RTKN: variants seen among roughly 807,000 people sequenced by gnomAD.
The protein encoded by RTKN is rhotekin.
A neutral mutation model predicts 63.5 loss-of-function variants in RTKN; 49 were observed. The observed-to-expected ratio is 0.77, with a 90% CI of 0.61 to 0.98. The LOEUF is 0.98. RTKN is among the 50% of genes least tolerant of loss of function. The pLI, the probability that RTKN is intolerant of heterozygous loss-of-function variation, is 0.00. For synonymous variants in RTKN, 295 were observed against 290.4 expected, an observed-to-expected ratio of 1.02 and a Z score of -0.16; for missense variants, 685 against 740.8, an observed-to-expected ratio of 0.92 and a Z score of 0.87.
chr2:74,430,123 G>T, intron 5 of RTKN, 86 bp from the exon 6 acceptor site: 1 of 1,534,442 alleles, frequency 6.5e-7, no homozygotes, highest in Non-Finnish European at 9.0e-7. Flanking sequence ...GTGCAGGACA[G>T]CTCCACAGAG....
chr2:74,432,226 C>G (rs1351277428), intron 2 of RTKN: 2 of 678,858 alleles, frequency 2.9e-6, no homozygotes, highest in African/African-American at 3.5e-5. Flanking sequence ...TGCTACCCTT[C>G]AGATCAGCTA....
In RTKN at chr2:74,426,594, T is replaced by C. The variant is rs1054218463; in HGVS notation, c.1361-20A>G. On this transcript the variant is annotated intron_variant, in intron 11 of 11. Transcript: ENST00000272430. ...CAATAGCTGTGGCACCAGGAAGGGG[T>C]TGGGGGAGGGTTGGGCTAGTCAGAG... The C allele has an allele frequency of 7.2e-6, 11 of 1,520,382 alleles. No homozygotes were observed. In the African/African-American group the frequency reaches 8.3e-5, roughly 12 times the overall value. 94.2% of individuals were successfully genotyped at this position (1,520,382 alleles called of 1,614,324 possible). A position where few individuals can be genotyped will look rare whatever the true frequency, so the allele number is the denominator to read the frequency against.
chr2:74,426,521 C>T lies in RTKN; in HGVS notation c.1414G>A (p.Glu472Lys). The T allele has an allele frequency of 6.4e-7, 1 of 1,557,652 alleles. No individual in the cohort carries two copies. The highest frequency in any genetic ancestry group is 8.7e-7 in the Non-Finnish European group (1 of 1,149,802). ...AAVTDILTQR[E>K]GARLETPPPW... ...GGGGGTGTCTCCAGCCTTGCGCCCT[C>T]CCGCTGGGTCAGGATGTCTGTCACC... Residue 472 changes from glutamate to lysine, a missense_variant, in exon 12 of 12, where the codon GAG becomes AAG. Transcript: ENST00000272430.
chr2:74,428,488 CCTG>C, intron 8 of RTKN, 92 bp from the exon 9 acceptor site: 3 of 1,603,382 alleles, frequency 1.9e-6, no homozygotes, highest in Non-Finnish European at 2.6e-6. Context: ...TTTTGTCCAC[CCTG>C]CTGTCCATTC....
chr2:74,438,881 A>G (rs1391673952), intron 1 of RTKN, among the ~76,000 whole-genome samples: 1 of 152,202 alleles, frequency 6.6e-6, no homozygotes, highest in East Asian at 1.9e-4. Flanking sequence ...ATGTGTTCGT[A>G]TGTATATTTC....
chr2:74,428,821 A>G (rs1670571300), intron 7 of RTKN, 27 bp downstream of exon 7: 2 of 1,602,902 alleles, frequency 1.2e-6, no homozygotes, highest in East Asian at 2.2e-5. Flanking sequence ...TCACATGTGT[A>G]TGTCCCCCAT....
rs1156663491 is a variant in RTKN, at chr2:74,441,782, AC to A, written c.34del (p.Val12TrpfsTer34). 1.9e-6 allele frequency: 3 copies of A among 1,611,820 alleles called. No homozygotes were observed. In the South Asian group the frequency reaches 3.3e-5, roughly 18 times the overall value. ...FSRNHRSRVT[V>X]ARGSALEMEF... ...CATCTCCAGGGCGGAGCCCCTGGCC[AC>A]GGTGACCCGGCTCCGGTGGTTTCGG... On this transcript the variant is annotated frameshift_variant, in exon 1 of 12. Coordinates refer to ENST00000272430, the MANE Select transcript of RTKN (RefSeq NM_001015055.2). LOFTEE classifies it high-confidence loss of function.
At chr2:74,427,662 G>T (rs116143329) in intron 9 of RTKN, 70 bp from the exon 10 acceptor site, 2 of 1,495,826 alleles carry the variant, frequency 1.3e-6, no homozygotes, top group African/African-American at 2.8e-5. Context: ...CCTTGATCAC[G>T]CCTGCCTTAG....
chr2:74,430,328 C>T lies in RTKN; in HGVS notation c.469G>A (p.Glu157Lys). Reference protein sequence around the residue: ...WAVFLLLQLGEHIQDTEMILV... With the variant: ...WAVFLLLQLGKHIQDTEMILV... ...ATCATCTCTGTGTCCTGGATGTGTT[C>T]CCCCAGCTGCAGCAGCAGGAACACA... Residue 157 changes from glutamate (E) to lysine (K), a missense_variant, in exon 5 of 12, where the codon GAA becomes AAA. Transcript: ENST00000272430. 1.2e-6 allele frequency: 2 copies of T among 1,614,086 alleles called. No homozygotes were observed.
chr2:74,432,446 C>A, intron 2 of RTKN, 21 bp downstream of exon 2: 3 of 1,603,318 alleles, frequency 1.9e-6, no homozygotes, highest in Non-Finnish European at 2.5e-6. Context: ...TCCATCGAGG[C>A]CTCGTCTCCC....
At chr2:74,437,959 AG>A (rs1301903437) in intron 1 of RTKN, among the ~76,000 whole-genome samples, 2 of 152,226 alleles carry the variant, frequency 1.3e-5, no homozygotes, top group Non-Finnish European at 2.9e-5. Flanking sequence ...GTTTATGCCA[AG>A]ACGGTCCTGA....
chr2:74,425,837 G>A lies in RTKN; in HGVS notation c.*406C>T, dbSNP rs1363590235. ...CCAGGGATGATGTGAGGCAGGTCTA[G>A]ACCAGGCAGAGAGAGGCACCCTGTC... is the stretch of plus-strand genomic sequence containing the variant. On this transcript the variant is annotated 3_prime_UTR_variant, in exon 12 of 12. Transcript: ENST00000272430. 1.4e-6 allele frequency: 2 copies of A among 1,472,146 alleles called. No individual in the cohort carries two copies. Among genetic ancestry groups the A allele is most frequent in the Non-Finnish European group, 1.8e-6 (2 of 1,090,362 alleles). The allele number at this position is 1,472,146 out of a possible 1,614,324, so 91.2% of individuals were successfully genotyped here. A position where few individuals can be genotyped will look rare whatever the true frequency, so the allele number is the denominator to read the frequency against.
In RTKN at chr2:74,436,901, T is replaced by C. The variant is rs917708513; in HGVS notation, c.112-4235A>G. Among the ~76,000 whole-genome samples the C allele has an allele frequency of 6.6e-6, 1 of 151,784 alleles. No individual in the cohort carries two copies. Among genetic ancestry groups the C allele is most frequent in the African/African-American group, 2.4e-5 (1 of 41,282 alleles). On this transcript the variant is annotated intron_variant, in intron 1 of 11. Transcript: ENST00000272430. This position sits in a 1 kb window ranked among gnomAD's most constrained non-coding sequence, Gnocchi z 4.3. ...CCCCTCCCCACCCAAACACACCCTCTCCCCAAGCGGGCAGCATTTCCCCTG... is the reference window on the plus strand; with the variant it reads ...CCCCTCCCCACCCAAACACACCCTCCCCCCAAGCGGGCAGCATTTCCCCTG...
At chr2:74,433,893 T>C (rs1367499433) in intron 1 of RTKN, among the ~76,000 whole-genome samples, 1 of 151,998 alleles carries the variant, frequency 6.6e-6, no homozygotes, top group Non-Finnish European at 1.5e-5. Context: ...TTGCAGACAT[T>C]AAGGAAAGAG....
chr2:74,427,516 C>G lies in RTKN; in HGVS notation c.1163G>C (p.Gly388Ala), dbSNP rs774333224. Residue 388 changes from glycine (G) to alanine (A), a missense_variant, in exon 10 of 12, where the codon GGG becomes GCG. Gly to Ala is a moderately conservative substitution (Grantham distance 60). Coordinates refer to ENST00000272430, the MANE Select transcript of RTKN (RefSeq NM_001015055.2). ...PFTLSISNQY[G>A]DDEVTHTLQT... ...AAGGGTGTGTGTCACCTCATCATCC[C>G]CATACTGGTTACTGATGCTTAGGGT... 7.2e-5 allele frequency: 117 copies of G among 1,614,048 alleles called. No individual in the cohort carries two copies. The highest frequency in any genetic ancestry group is 9.4e-5 in the Non-Finnish European group (111 of 1,180,044).
chr2:74,430,076 C>A, intron 5 of RTKN, 39 bp from the exon 6 acceptor site: 2 of 1,609,610 alleles, frequency 1.2e-6, no homozygotes, highest in Non-Finnish European at 1.7e-6. Context: ...ACAGGAAAGT[C>A]CAGGGAGGCA....
In RTKN at chr2:74,441,851, C is replaced by A. The variant is rs1363380717; in HGVS notation, c.-35G>T. The A allele has an allele frequency of 1.5e-6, 2 of 1,373,936 alleles. No homozygotes were observed. Among genetic ancestry groups the A allele is most frequent in the South Asian group, 2.4e-5 (2 of 82,382 alleles). The allele number at this position is 1,373,936 out of a possible 1,614,324, so 85.1% of individuals were successfully genotyped here. A position where few individuals can be genotyped will look rare whatever the true frequency, so the allele number is the denominator to read the frequency against. On this transcript the variant is annotated 5_prime_UTR_variant, in exon 1 of 12. Coordinates refer to ENST00000272430, the MANE Select transcript of RTKN (RefSeq NM_001015055.2). The stretch of plus-strand genomic sequence containing the variant: ...CCTGCGACTTTGCCTGCTCAGTGCG[C>A]TCCCCGCGCCGCCCGGCTTAGCCTC...
intron 4 of RTKN, 33 bp downstream of exon 4, chr2:74,430,432 C>T: frequency 6.2e-7 from 1 of 1,613,838 alleles, no homozygotes; most frequent in Non-Finnish European, 8.5e-7. Context: ...AGGGTCATTC[C>T]CCTGAATTTG....
At chr2:74,427,694 T>G in intron 9 of RTKN, 102 bp from the exon 10 acceptor site, 1 of 1,293,880 alleles carries the variant, frequency 7.7e-7, no homozygotes, top group Non-Finnish European at 1.1e-6. Flanking sequence ...TGTGGGGCTT[T>G]TGCTGAGCCC....
Sources: gnomAD v4.1 joint callset for allele counts (sites outside exome capture counted in the v4.1 genomes callset) on GRCh38, gnomAD v4.1.1 for gene constraint, Gnocchi (gnomAD v3.1) non-coding constraint, MANE v1.5 for transcripts, NCBI Gene and HGNC (gene_info 2026-07-23, HGNC 2026-07-21) for gene names.